The following PRIM2 variants were observed in gnomAD, a reference collection of about 807,000 sequenced individuals.
PRIM2 encodes DNA primase large subunit.
In PRIM2, 39 loss-of-function variants were observed where a neutral mutation model predicts 67.3. That is an observed-to-expected ratio of 0.58 (90% CI 0.45 to 0.76). The LOEUF is 0.76. Ranked by LOEUF, PRIM2 falls within the 30% of genes least tolerant of loss-of-function variation. The pLI, the probability that PRIM2 is intolerant of heterozygous loss-of-function variation, is 0.00. For synonymous variants in PRIM2, 143 were observed against 198.7 expected, an observed-to-expected ratio of 0.72 and a Z score of 2.36; for missense variants, 398 against 598.7, an observed-to-expected ratio of 0.66 and a Z score of 3.50.
intron 7 of PRIM2, among the ~76,000 whole-genome samples, chr6:57,397,391 G>T (rs986312302): frequency 2.0e-5 from 3 of 152,114 alleles, no homozygotes; most frequent in Non-Finnish European, 2.9e-5. Flanking sequence ...TGTCTTTGTT[G>T]GATTGGGTTA....
At chr6:57,540,932 TGTATATTACA>T (rs1169715880) in intron 10 of PRIM2, among the ~76,000 whole-genome samples, 2 of 152,204 alleles carry the variant, frequency 1.3e-5, no homozygotes, top group Non-Finnish European at 2.9e-5. Context: ...CACAGTAAAT[TGTATATTACA>T]GTAAAGTGAT....
chr6:57,610,103 C>T (rs1353384960), intron 12 of PRIM2, among the ~76,000 whole-genome samples: 2 of 152,152 alleles, frequency 1.3e-5, no homozygotes, highest in African/African-American at 4.8e-5. Flanking sequence ...GAGTCTTGCT[C>T]TGTCTTCCAG....
intron 7 of PRIM2, among the ~76,000 whole-genome samples, chr6:57,488,657 G>C (rs1462855376): frequency 1.3e-5 from 2 of 152,208 alleles, no homozygotes. Flanking sequence ...AGCAGTCCCA[G>C]GATGTCAGCC....
At chr6:57,364,456 G>A (rs1198392510) in intron 5 of PRIM2, among the ~76,000 whole-genome samples, 1 of 152,130 alleles carries the variant, frequency 6.6e-6, no homozygotes, top group East Asian at 1.9e-4. Context: ...ATTTAGGATT[G>A]TGTCTCTGGC....
intron 7 of PRIM2, among the ~76,000 whole-genome samples, chr6:57,404,890 CT>C (rs1439968754): frequency 2.1e-5 from 3 of 145,648 alleles, no homozygotes; most frequent in African/African-American, 7.6e-5. Context: ...ACCCCCTATA[CT>C]TTTTATAATA....
intron 13 of PRIM2, among the ~76,000 whole-genome samples, chr6:57,639,086 A>C (rs1366356586): frequency 5.3e-5 from 8 of 152,350 alleles, no homozygotes; most frequent in Non-Finnish European, 8.8e-5. Flanking sequence ...ATTAGAACTC[A>C]AGATTAAGAA....
intron 5 of PRIM2, among the ~76,000 whole-genome samples, chr6:57,335,226 C>T (rs1342317458): frequency 9.9e-5 from 15 of 152,140 alleles, no homozygotes; most frequent in Admixed American, 6.5e-4. Flanking sequence ...CACGGAGTCT[C>T]GCTGATTGCT....
At chr6:57,349,592 A>C (rs1768796833) in intron 5 of PRIM2, among the ~76,000 whole-genome samples, 1 of 152,080 alleles carries the variant, frequency 6.6e-6, no homozygotes, top group South Asian at 2.1e-4. Flanking sequence ...ATTGGGTCTG[A>C]TCAGGTTGTT....
the PRIM2 span, among the ~76,000 whole-genome samples, chr6:57,271,907 G>A: frequency 5.3e-5 from 8 of 152,204 alleles, no homozygotes; most frequent in Non-Finnish European, 8.8e-5. Flanking sequence ...TTCAGGAGCA[G>A]GTTGTTCAGT....
At chr6:57,606,237 A>C in intron 11 of PRIM2, 138 bp from the exon 12 acceptor site, 1 of 647,572 alleles carries the variant, frequency 1.5e-6, no homozygotes, top group Non-Finnish European at 2.8e-6. Flanking sequence ...AAGCAGTTGC[A>C]CCCATGGGCA....
intron 10 of PRIM2, among the ~76,000 whole-genome samples, chr6:57,572,506 C>T (rs1259342906): frequency 2.6e-5 from 4 of 152,038 alleles, no homozygotes; most frequent in Admixed American, 6.6e-5. Context: ...GTTTTCATAA[C>T]GGAAGGGAAG....
intron 10 of PRIM2, among the ~76,000 whole-genome samples, chr6:57,599,785 T>TA (rs1299493038): frequency 6.6e-6 from 1 of 152,228 alleles, no homozygotes; most frequent in Non-Finnish European, 1.5e-5. Context: ...CTGCTTCCAT[T>TA]AAATGTTTTC....
chr6:57,374,527 C>T (rs866317388), intron 5 of PRIM2, among the ~76,000 whole-genome samples: 8 of 150,636 alleles, frequency 5.3e-5, no homozygotes, highest in African/African-American at 1.7e-4. Flanking sequence ...CTCCTGACCT[C>T]GTGATCCGCC....
the PRIM2 span, among the ~76,000 whole-genome samples, chr6:57,292,739 A>C: frequency 6.6e-6 from 1 of 152,222 alleles, no homozygotes; most frequent in Non-Finnish European, 1.5e-5. Flanking sequence ...GCAATGGGGA[A>C]AGGGTTCCCT....
At chr6:57,632,281 A>G (rs1213411347) in intron 13 of PRIM2, 80 bp downstream of exon 13, 19 of 747,630 alleles carry the variant, frequency 2.5e-5, no homozygotes, top group Non-Finnish European at 3.0e-5. Flanking sequence ...AGTTGCAGCA[A>G]TGGAAACCAC....
intron 7 of PRIM2, among the ~76,000 whole-genome samples, chr6:57,472,441 G>A (rs1175153997): frequency 1.3e-5 from 2 of 151,654 alleles, no homozygotes; most frequent in East Asian, 1.9e-4. Context: ...TTGTCAAAAC[G>A]GGCAAACTGA....
At chr6:57,374,303 A>ATTTATTTATTTTTTT (rs1554331462) in intron 5 of PRIM2, among the ~76,000 whole-genome samples, 182 of 139,830 alleles carry the variant, frequency 1.3e-3, no homozygotes, top group African/African-American at 4.3e-3. Flanking sequence ...TTATTTATTT[A>ATTTATTTATTTTTTT]TTTTTTTTGA....
chr6:57,347,985 G>C (rs1768732354), intron 5 of PRIM2, among the ~76,000 whole-genome samples: 1 of 152,162 alleles, frequency 6.6e-6, no homozygotes, highest in East Asian at 1.9e-4. Context: ...TGTGAGTTTA[G>C]AGATTTACAT....
the PRIM2 span, among the ~76,000 whole-genome samples, chr6:57,251,950 G>T: frequency 2.6e-5 from 4 of 152,158 alleles, no homozygotes; most frequent in East Asian, 7.7e-4. Flanking sequence ...CTGAATTCCT[G>T]CATGGCTTGA....
Sources: allele counts gnomAD v4.1 joint callset (sites outside exome capture counted in the v4.1 genomes callset), GRCh38; gene constraint gnomAD v4.1.1; transcripts MANE v1.5; gene names NCBI Gene and HGNC (gene_info 2026-07-23, HGNC 2026-07-21).